VWDE: variants seen among roughly 807,000 people sequenced by gnomAD.
The protein encoded by VWDE is von Willebrand factor D and EGF domains.
Under a neutral mutation model 178.4 loss-of-function variants are expected in VWDE, and 207 were observed. That is an observed-to-expected ratio of 1.16 (90% confidence interval 1.04 to 1.30). The LOEUF (loss-of-function observed/expected upper bound fraction) is 1.30. VWDE is among the 50% of genes most tolerant of loss of function. The pLI is 0.00. For missense variants in VWDE, 2,287 were observed against 1,901.3 expected (o/e 1.20, Z -3.77); for synonymous variants, 738 against 651.4 (o/e 1.13, Z -2.02).
intron 18 of VWDE, among the ~76,000 whole-genome samples, chr7:12,352,572 TG>T (rs1192746465): frequency 6.6e-6 from 1 of 152,176 alleles, no homozygotes; most frequent in Non-Finnish European, 1.5e-5. Context: ...TGGGTCTGTT[TG>T]GGAAAGAAAA....
chr7:12,374,608 T>A, intron 9 of VWDE, 81 bp downstream of exon 9: 1 of 1,027,948 alleles, frequency 9.7e-7, no homozygotes, highest in Middle Eastern at 2.3e-4. Flanking sequence ...TAAAAAATTA[T>A]AAAACAATAC....
At chr7:12,350,754 T>C (rs1003383278) in intron 19 of VWDE, among the ~76,000 whole-genome samples, 1 of 152,068 alleles carries the variant, frequency 6.6e-6, no homozygotes, top group African/African-American at 2.4e-5. Context: ...TAATGATCTG[T>C]AAAATAGAAG....
At chr7:12,347,855 G>T (rs1185246112) in intron 19 of VWDE, among the ~76,000 whole-genome samples, 2 of 152,044 alleles carry the variant, frequency 1.3e-5, no homozygotes, top group Admixed American at 1.3e-4. Flanking sequence ...AAAACAGCAT[G>T]GCACTGGTAC....
At chr7:12,395,245 ATCTAATTTTAGAATATC>A (rs1270535218) in intron 1 of VWDE, among the ~76,000 whole-genome samples, 1 of 152,160 alleles carries the variant, frequency 6.6e-6, no homozygotes, top group Non-Finnish European at 1.5e-5. Flanking sequence ...CTATCATTTC[ATCTAATTTTAGAATATC>A]TCTAATATCC....
intron 3 of VWDE, among the ~76,000 whole-genome samples, chr7:12,388,458 G>A (rs1018153690): frequency 6.6e-6 from 1 of 152,032 alleles, no homozygotes; most frequent in Admixed American, 6.6e-5. Flanking sequence ...CAAAATGAGG[G>A]AAGTTATTCA....
intron 3 of VWDE, among the ~76,000 whole-genome samples, chr7:12,386,246 C>G (rs1376121806): frequency 6.6e-6 from 1 of 152,080 alleles, no homozygotes; most frequent in Non-Finnish European, 1.5e-5. Context: ...TTCAAAAACT[C>G]TTGTCTTGGC....
intron 1 of VWDE, among the ~76,000 whole-genome samples, chr7:12,394,593 G>A (rs186535021): frequency 1.3e-4 from 20 of 152,252 alleles, no homozygotes; most frequent in African/African-American, 3.6e-4. Flanking sequence ...ATCCTAAAAT[G>A]CAACTCTTGT....
intron 18 of VWDE, 100 bp downstream of exon 18, chr7:12,356,011 G>C: frequency 1.2e-6 from 1 of 848,662 alleles, no homozygotes; most frequent in Middle Eastern, 3.6e-4. Flanking sequence ...GTAAAGATGT[G>C]TACTAAAATC....
chr7:12,375,869 CA>C (rs1395791933), intron 7 of VWDE, among the ~76,000 whole-genome samples: 1 of 151,334 alleles, frequency 6.6e-6, no homozygotes, highest in Admixed American at 6.6e-5. Flanking sequence ...GAAATGGTAA[CA>C]AAAAAAGAGA....
At chr7:12,361,123 A>C (rs200319426) in intron 15 of VWDE, 24 bp downstream of exon 15, 11 of 1,387,318 alleles carry the variant, frequency 7.9e-6, no homozygotes, top group South Asian at 1.3e-5. Context: ...TGTAAATGTG[A>C]AAATACATGA....
Position 12,358,147 on chromosome 7 carries a change from C to G in VWDE, c.3275-632G>C, listed in dbSNP as rs182393821. Among the ~76,000 whole-genome samples the G allele has an allele frequency of 2.3e-3, 356 of 152,208 alleles. 3 individuals carry two copies. The highest frequency in any genetic ancestry group is 8.3e-3 in the African/African-American group (343 of 41,512). The stretch of plus-strand genomic sequence containing the variant: ...ATCCCAGTACTTTGGGAAGCCAAGG[C>G]AGGAGGATCACTTGAGGTCAGGAGT... On this transcript the variant is annotated intron_variant, in intron 16 of 28. Transcript: ENST00000275358.
chr7:12,337,262 G>A lies in VWDE; in HGVS notation c.4377C>T (p.His1459=), dbSNP rs1162411300. ...FGEHCQNAFC[H]PPCKNGGHCM... ...AGTGGCCACCATTCTTACAGGGAGG[G>A]TGACAGAAAGCTAAAAGAACACATG... The change falls in exon 25 of 29, where the codon CAC becomes CAT. Residue 1459 remains histidine, a synonymous_variant. Transcript: ENST00000275358. 4 of 1,551,678 alleles carry A rather than the reference G, an allele frequency of 2.6e-6. No homozygotes were observed. The highest frequency in any genetic ancestry group is 2.7e-5 in the African/African-American group (2 of 73,028).
chr7:12,348,300 G>C (rs1781729473), intron 19 of VWDE, among the ~76,000 whole-genome samples: 1 of 148,738 alleles, frequency 6.7e-6, no homozygotes, highest in Admixed American at 6.7e-5. Flanking sequence ...CCTACAAAAT[G>C]GGAGAAAATT....
chr7:12,401,371 A>T (rs1055071919), intron 1 of VWDE, among the ~76,000 whole-genome samples: 2 of 152,184 alleles, frequency 1.3e-5, no homozygotes, highest in Admixed American at 6.5e-5. Context: ...CGACCCACAG[A>T]ATGGGAGAAA....
chr7:12,397,029 C>G (rs1438491856), intron 1 of VWDE, among the ~76,000 whole-genome samples: 2 of 151,986 alleles, frequency 1.3e-5, no homozygotes, highest in African/African-American at 2.4e-5. Context: ...TTCTATGAAA[C>G]TACCAATGTT....
intron 5 of VWDE, among the ~76,000 whole-genome samples, chr7:12,379,989 T>G (rs1783755393): frequency 6.6e-6 from 1 of 151,558 alleles, no homozygotes; most frequent in Non-Finnish European, 1.5e-5. Flanking sequence ...TCCCAGCTAC[T>G]CAGGAGGCTG....
intron 10 of VWDE, among the ~76,000 whole-genome samples, chr7:12,371,570 T>A (rs1004067012): frequency 3.3e-5 from 5 of 152,154 alleles, no homozygotes; most frequent in African/African-American, 1.2e-4. Flanking sequence ...CCCTTTTAAT[T>A]TTCTTAAAAT....
chr7:12,389,312 T>G lies in VWDE; in HGVS notation c.290A>C (p.Asp97Ala), dbSNP rs1461440551. 3 of 1,551,488 alleles carry G rather than the reference T, an allele frequency of 1.9e-6. No individual in the cohort carries two copies. Among genetic ancestry groups the G allele is most frequent in the Non-Finnish European group, 1.7e-6 (2 of 1,146,820 alleles). ...CCCAGGAGATGGCAGTGTTTCTGAA[T>G]CTCTCAGAGACAGCCAGATGGGGGC... is the stretch of plus-strand genomic sequence containing the variant. ...TQAPIWLSLR[D>A]SETLPSPGEI... The change falls in exon 3 of 29, where the codon GAT (aspartate) becomes GCT (alanine). Residue 97 changes from aspartate (D) to alanine (A), a missense_variant. Coordinates refer to ENST00000275358, the MANE Select transcript of VWDE (RefSeq NM_001135924.3).
chr7:12,374,201 T>A (rs769316917), intron 9 of VWDE, among the ~76,000 whole-genome samples: 5 of 152,138 alleles, frequency 3.3e-5, no homozygotes, highest in Non-Finnish European at 5.9e-5. Context: ...TTTTGCCTAT[T>A]TTACTTTAAA....
Sources: allele counts gnomAD v4.1 joint callset (sites outside exome capture counted in the v4.1 genomes callset), GRCh38; gene constraint gnomAD v4.1.1; transcripts MANE v1.5; gene names NCBI Gene and HGNC (gene_info 2026-07-23, HGNC 2026-07-21).